P2RY12: variants seen among roughly 807,000 people sequenced by gnomAD.
P2RY12 encodes purinergic receptor P2Y12.
Under a neutral mutation model 4.5 loss-of-function variants are expected in P2RY12, and 3 were observed. The ratio of observed to expected loss-of-function variants is 0.67; its 90% CI spans 0.31 to 1.74. The LOEUF is 1.74. Ranked by LOEUF, P2RY12 falls within the 40% of genes most tolerant of loss-of-function variation. The pLI is 0.09. For synonymous variants in P2RY12, 148 were observed against 154.1 expected, an observed-to-expected ratio of 0.96 and a Z score of 0.29; for missense variants, 356 against 407.8, an observed-to-expected ratio of 0.87 and a Z score of 1.09.
At chr3:151,353,879 C>T (rs1024394867) in intron 1 of P2RY12, among the ~76,000 whole-genome samples, 6 of 152,102 alleles carry the variant, frequency 3.9e-5, no homozygotes, top group South Asian at 2.1e-4. Context: ...CGGTGGCTCA[C>T]GCCTGTAATC....
intron 1 of P2RY12, chr3:151,378,265 A>T: frequency 1.6e-6 from 2 of 1,259,186 alleles, no homozygotes; most frequent in African/African-American, 1.5e-5. Context: ...CTGTACCCAC[A>T]GTCCACTGAA....
In P2RY12 at chr3:151,338,080, G is replaced by A. The variant is rs1392419754; in HGVS notation, c.766C>T (p.Arg256Ter). ...GTTTGGCTCAGGGTGTAAGGAATTC[G>A]GGCAAAATGGAAAGGAACAAAACAA... The part of the protein sequence containing the change: ...FICFVPFHFA[R>*]IPYTLSQTRD... Residue 256 changes from arginine (R) to a stop codon, truncating the protein, a stop_gained, in exon 3 of 3, where the codon CGA (arginine) becomes TGA (stop). Coordinates refer to ENST00000302632, the MANE Select transcript of P2RY12 (RefSeq NM_022788.5). LOFTEE classifies it high-confidence loss of function. The A allele has an allele frequency of 1.9e-6, 3 of 1,613,774 alleles. No individual in the cohort carries two copies. The highest frequency in any genetic ancestry group is 2.2e-5 in the East Asian group (1 of 44,872).
At chr3:151,349,683 G>T (rs995057484) in intron 1 of P2RY12, among the ~76,000 whole-genome samples, 15 of 152,054 alleles carry the variant, frequency 9.9e-5, no homozygotes, top group Non-Finnish European at 1.9e-4. Context: ...GGCTTATGAA[G>T]AGATAACATT....
chr3:151,384,652 T>G, intron 1 of P2RY12, 40 bp downstream of exon 1: 1 of 196,144 alleles, frequency 5.1e-6, no homozygotes, highest in South Asian at 1.2e-4. Context: ...AGAAACCAAA[T>G]AAATCTGATG....
chr3:151,366,771 A>G (rs192593722), intron 1 of P2RY12, among the ~76,000 whole-genome samples: 22 of 152,330 alleles, frequency 1.4e-4, no homozygotes, highest in Admixed American at 5.2e-4. Context: ...AGACTTAAGA[A>G]TTTATGTATA....
At chr3:151,350,226 T>C (rs765276576) in intron 1 of P2RY12, 1 of 1,608,900 alleles carries the variant, frequency 6.2e-7, no homozygotes, top group East Asian at 2.2e-5. Context: ...CTTAATGCAT[T>C]TGCTCCCATT....
chr3:151,348,038 T>C (rs189236646), intron 1 of P2RY12, among the ~76,000 whole-genome samples: 4 of 152,184 alleles, frequency 2.6e-5, no homozygotes, highest in Admixed American at 2.6e-4. Flanking sequence ...CTTCTAGGTC[T>C]GTAAATACTA....
intron 1 of P2RY12, chr3:151,350,011 C>T: frequency 1.3e-6 from 2 of 1,580,568 alleles, no homozygotes; most frequent in Non-Finnish European, 1.7e-6. Context: ...TGAAATGCAA[C>T]CCCACCCCTG....
chr3:151,379,260 A>G (rs1711783364), intron 1 of P2RY12, among the ~76,000 whole-genome samples: 1 of 152,212 alleles, frequency 6.6e-6, no homozygotes, highest in Non-Finnish European at 1.5e-5. Context: ...GGCAGGACAG[A>G]TGGTATTGAA....
rs750504675 is a variant in P2RY12, at chr3:151,337,903, A to T, written c.943T>A (p.Cys315Ser). Residue 315 changes from cysteine (C) to serine (S), a missense_variant, in exon 3 of 3, where the codon TGC (cysteine) becomes AGC (serine). Coordinates refer to ENST00000302632, the MANE Select transcript of P2RY12 (RefSeq NM_022788.5). ...GACAGAGATGTTGCAGAATTGGGGC[A>T]CTTCAGCATACTTATCAAGGAATTT... ...FRNSLISMLK[C>S]PNSATSLSQD... 7 of 1,614,104 alleles carry T rather than the reference A, an allele frequency of 4.3e-6. No individual in the cohort carries two copies. The highest frequency in any genetic ancestry group is 5.9e-6 in the Non-Finnish European group (7 of 1,179,986).
chr3:151,365,564 A>T (rs1311364168), intron 1 of P2RY12, among the ~76,000 whole-genome samples: 2 of 152,222 alleles, frequency 1.3e-5, no homozygotes, highest in Non-Finnish European at 2.9e-5. Context: ...GATGCCCTTA[A>T]AAATGTAAAT....
intron 1 of P2RY12, among the ~76,000 whole-genome samples, chr3:151,375,804 TA>T (rs904741957): frequency 5.3e-5 from 8 of 152,114 alleles, no homozygotes; most frequent in African/African-American, 1.7e-4. Context: ...TTTTTCCCAT[TA>T]AAAAATGTTT....
chr3:151,375,642 T>C (rs1048148626), intron 1 of P2RY12, among the ~76,000 whole-genome samples: 1 of 152,178 alleles, frequency 6.6e-6, no homozygotes, highest in Non-Finnish European at 1.5e-5. Flanking sequence ...GTCAGTGAGA[T>C]AGTACAATGT....
rs375945797 is a variant in P2RY12 at position 151,350,567 on chromosome 3, C to A, written c.-179-9807G>T. 3.6e-3 allele frequency among the ~76,000 whole-genome samples: 540 copies of A among 151,988 alleles called. 24 individuals carry two copies. The South Asian group carries it at 0.11, about 31-fold the overall frequency. On this transcript the variant is annotated intron_variant, in intron 1 of 2. Coordinates refer to ENST00000302632, the MANE Select transcript of P2RY12 (RefSeq NM_022788.5). ...GAAAACCTTTAGTCTGGAAGAGATC[C>A]ATTTCTCTGTTTCTTTACCATAATT...
At chr3:151,361,173 A>G (rs999640409) in intron 1 of P2RY12, among the ~76,000 whole-genome samples, 2 of 152,094 alleles carry the variant, frequency 1.3e-5, no homozygotes, top group East Asian at 1.9e-4. Context: ...CTGGTGACTC[A>G]TAGAAGGTTC....
At position 151,376,467 on chromosome 3, in the gene P2RY12, G is replaced by A. The variant is rs1014117716; in HGVS notation, c.-180+8225C>T. ...TTACATGAGAAATATGCTTCAGAGA[G>A]GGGCTATGTTAAATATATTATTAAA... On this transcript the variant is annotated intron_variant, in intron 1 of 2. Transcript: ENST00000302632. 3.3e-5 allele frequency among the ~76,000 whole-genome samples: 5 copies of A among 152,216 alleles called. 1 individual carries two copies. The South Asian group carries it at 1.0e-3, about 32-fold the overall frequency.
intron 1 of P2RY12, among the ~76,000 whole-genome samples, chr3:151,373,800 G>T (rs898050510): frequency 6.6e-6 from 1 of 151,980 alleles, no homozygotes; most frequent in Non-Finnish European, 1.5e-5. Context: ...GGCCCATGTT[G>T]TACTTTCTCT....
At chr3:151,372,789 T>C (rs1326404486) in intron 1 of P2RY12, 1 of 1,584,214 alleles carries the variant, frequency 6.3e-7, no homozygotes, top group Non-Finnish European at 8.7e-7. Flanking sequence ...AATTTGCCTT[T>C]TACTTTGAGT....
chr3:151,367,003 A>C (rs1755364158), intron 1 of P2RY12, among the ~76,000 whole-genome samples: 1 of 152,190 alleles, frequency 6.6e-6, no homozygotes, highest in Non-Finnish European at 1.5e-5. Flanking sequence ...ATATGGTGCG[A>C]ATCAGTATGA....
Sources: gnomAD v4.1 joint callset for allele counts (sites outside exome capture counted in the v4.1 genomes callset) on GRCh38, gnomAD v4.1.1 for gene constraint, MANE v1.5 for transcripts, NCBI Gene and HGNC (gene_info 2026-07-23, HGNC 2026-07-21) for gene names.